KDM6A: variants seen among roughly 807,000 people sequenced by gnomAD.
KDM6A encodes lysine demethylase 6A.
In KDM6A, 11 loss-of-function variants were observed where a neutral mutation model predicts 117.6. That is an observed-to-expected ratio of 0.09 (90% confidence interval 0.06 to 0.15). The LOEUF (loss-of-function observed/expected upper bound fraction) is 0.15. KDM6A is among the 10% of genes least tolerant of loss of function. The pLI, the probability that KDM6A is intolerant of heterozygous loss-of-function variation, is 1.00. For synonymous variants in KDM6A, 384 were observed against 396.1 expected (o/e 0.97, Z 0.36); for missense variants, 799 against 1,077.3 (o/e 0.74, Z 3.62).
intron 6 of KDM6A, among the ~76,000 whole-genome samples, chrX:45,029,654 C>T (rs2042526926): frequency 9.2e-6 from 1 of 109,201 alleles, no homozygotes; most frequent in Non-Finnish European, 1.9e-5. Context: ...TTCTACAGTG[C>T]AAATTTTTGC....
chrX:44,874,052 C>T, intron 2 of KDM6A, 65 bp downstream of exon 2: 1 of 1,055,904 alleles, frequency 9.5e-7, no homozygotes, highest in Non-Finnish European at 1.3e-6. Context: ...TCGCCCCGGG[C>T]CCCGCGGCCG....
chrX:45,112,547 T>C lies in KDM6A; in HGVS notation c.*1136T>C. 1 of 137,847 alleles carries C rather than the reference T, an allele frequency of 7.3e-6. No homozygotes were observed. The highest frequency in any genetic ancestry group is 1.2e-4 in the East Asian group (1 of 8,281). The allele number at this position is 137,847 out of a possible 1,213,427, so 11.4% of individuals were successfully genotyped here. ...TCAAGACCTAAAATGTCAGACTGGT[T>C]TATTGTTAAGTTGCAATTACTGCAA... On this transcript the variant is annotated 3_prime_UTR_variant, in exon 30 of 30. Transcript: ENST00000611820.
intron 2 of KDM6A, among the ~76,000 whole-genome samples, chrX:44,959,717 A>G (rs2038564787): frequency 1.8e-5 from 2 of 111,817 alleles, no homozygotes; most frequent in South Asian, 3.6e-4. Context: ...TTGTATTTTT[A>G]TACTCTAGCC....
intron 6 of KDM6A, among the ~76,000 whole-genome samples, chrX:45,022,823 G>C (rs979093006): frequency 3.0e-4 from 34 of 111,617 alleles, no homozygotes; most frequent in African/African-American, 1.1e-3. Flanking sequence ...TAAAAAATAT[G>C]CTCCTATGTG....
rs1283535601 is a variant in KDM6A at position 45,069,706 on chromosome X, C to A, written c.2207C>A (p.Thr736Asn). The A allele has an allele frequency of 8.3e-7, 1 of 1,209,915 alleles. No homozygotes were observed. The highest frequency in any genetic ancestry group is 2.2e-5 in the Admixed American group (1 of 45,849). ...SGIQNQNGHP[T>N]LPSNSVTQGA... The stretch of plus-strand genomic sequence containing the variant: ...ATTCAGAATCAGAACGGACATCCCA[C>A]CCTGCCTAGCAATTCAGTAACACAG... Residue 736 changes from threonine to asparagine, a missense_variant, in exon 18 of 30, where the codon ACC becomes AAC. Transcript: ENST00000611820.
chrX:45,022,135 A>T (rs2042191689), intron 6 of KDM6A, among the ~76,000 whole-genome samples: 1 of 112,442 alleles, frequency 8.9e-6, no homozygotes, highest in Non-Finnish European at 1.9e-5. Context: ...TGTGTCCCAC[A>T]TTATGGAATG....
intron 4 of KDM6A, among the ~76,000 whole-genome samples, chrX:44,990,135 G>C (rs1186851808): frequency 8.9e-6 from 1 of 112,230 alleles, no homozygotes; most frequent in Non-Finnish European, 1.9e-5. Flanking sequence ...TGCAATCTTA[G>C]ATTTGTCCAT....
intron 4 of KDM6A, among the ~76,000 whole-genome samples, chrX:45,006,216 G>C (rs1166212768): frequency 1.0e-5 from 1 of 96,507 alleles, no homozygotes; most frequent in Non-Finnish European, 2.1e-5. Context: ...CGCACTGGGT[G>C]AGTTCTGATT....
chrX:45,079,305 C>T lies in KDM6A; in HGVS notation c.3254C>T (p.Ala1085Val), dbSNP rs150408847. The change falls in exon 21 of 30, where the codon GCT becomes GTT. Residue 1085 changes from alanine to valine, a missense_variant. Around this residue, in one of 8 missense-constraint regions of KDM6A, gnomAD observed 291 missense variants for 437.9 expected, o/e 0.66. Coordinates refer to ENST00000611820, the MANE Select transcript of KDM6A (RefSeq NM_001291415.2). ...AGTAATAGATCTCATACTACAATTG[C>T]TAAATATGCACAGTACCAGGCCTCC... Reference protein sequence around the residue: ...CESNRSHTTIAKYAQYQASSF... With the variant: ...CESNRSHTTIVKYAQYQASSF... 8.3e-7 allele frequency: 1 copy of T among 1,198,977 alleles called. No individual in the cohort carries two copies. Among genetic ancestry groups the T allele is most frequent in the Non-Finnish European group, 1.1e-6 (1 of 885,957 alleles).
rs1272965257 is a variant in KDM6A, at chrX:44,971,405, G to A, written c.335-3261G>A. Among the ~76,000 whole-genome samples, 4 of 111,653 alleles carry A rather than the reference G, an allele frequency of 3.6e-5. No individual in the cohort carries two copies. The South Asian group carries it at 1.5e-3, about 41-fold the overall frequency. On this transcript the variant is annotated intron_variant, in intron 3 of 29. Coordinates refer to ENST00000611820, the MANE Select transcript of KDM6A (RefSeq NM_001291415.2). ...TTCAGATATGTGATGATGTTTTTGG[G>A]TAATGTTTCTGTAATTTGAACATAT...
intron 5 of KDM6A, among the ~76,000 whole-genome samples, chrX:45,017,600 A>G (rs1051653200): frequency 8.9e-6 from 1 of 112,083 alleles, no homozygotes; most frequent in Non-Finnish European, 1.9e-5. Context: ...AAAAGTTTAG[A>G]AAAGGAAATG....
chrX:45,028,335 G>A lies in KDM6A; in HGVS notation c.565-6596G>A, dbSNP rs373956742. Reference sequence around the variant, plus strand: ...TAGCACACTATTCTGGTCATCTTAAGAAAAGAAGAACATTCTTTTTTAGTA... The same window carrying A: ...TAGCACACTATTCTGGTCATCTTAAAAAAAGAAGAACATTCTTTTTTAGTA... On this transcript the variant is annotated intron_variant, in intron 6 of 29. Coordinates refer to ENST00000611820, the MANE Select transcript of KDM6A (RefSeq NM_001291415.2). Among the ~76,000 whole-genome samples the A allele has an allele frequency of 3.3e-4, 37 of 112,434 alleles. No homozygotes were observed. In the East Asian group the frequency reaches 9.5e-3, roughly 29 times the overall value.
chrX:45,086,121 G>T, intron 25 of KDM6A, 142 bp downstream of exon 25: 1 of 461,696 alleles, frequency 2.2e-6, no homozygotes, highest in South Asian at 3.1e-5. Flanking sequence ...TAAATTATTT[G>T]ATTCCAAACC....
intron 21 of KDM6A, among the ~76,000 whole-genome samples, chrX:45,082,060 T>C (rs2045435602): frequency 9.1e-6 from 1 of 110,208 alleles, no homozygotes; most frequent in Admixed American, 9.6e-5. Context: ...ATTACAGGCA[T>C]GAGCCACTGT....
chrX:45,078,650 T>C (rs764615895), intron 20 of KDM6A, 145 bp downstream of exon 20: 33 of 460,343 alleles, frequency 7.2e-5, no homozygotes, highest in Admixed American at 2.8e-4. Context: ...TTTTTAGTAC[T>C]AAGAATGAGA....
At chrX:45,046,142 G>C (rs1807015657) in intron 8 of KDM6A, among the ~76,000 whole-genome samples, 1 of 111,224 alleles carries the variant, frequency 9.0e-6, no homozygotes, top group African/African-American at 3.3e-5. Flanking sequence ...AGGAATGCAA[G>C]GTTGACTGAA....
intron 6 of KDM6A, among the ~76,000 whole-genome samples, chrX:45,021,190 C>A (rs2042157162): frequency 9.0e-6 from 1 of 111,580 alleles, no homozygotes; most frequent in African/African-American, 3.3e-5. Flanking sequence ...AGAGTGTTCT[C>A]TGCAAGGCAT....
At chrX:45,092,450 A>G (rs979176517) in intron 27 of KDM6A, among the ~76,000 whole-genome samples, 1 of 111,812 alleles carries the variant, frequency 8.9e-6, no homozygotes. Context: ...TCACCTCACT[A>G]TAATTCTTGC....
chrX:45,035,261 TTG>T (rs1181993925), intron 7 of KDM6A, among the ~76,000 whole-genome samples: 47 of 112,110 alleles, frequency 4.2e-4, no homozygotes, highest in Non-Finnish European at 8.3e-4. Context: ...GTGTATTATA[TTG>T]TAGATGACTT....
Sources: allele counts gnomAD v4.1 joint callset (sites outside exome capture counted in the v4.1 genomes callset), GRCh38; gene constraint gnomAD v4.1.1; regional missense constraint gnomAD v4.1.1; transcripts MANE v1.5; gene names NCBI Gene and HGNC (gene_info 2026-07-23, HGNC 2026-07-21).